The following TRO variants were observed in gnomAD, a reference collection of about 807,000 sequenced individuals.
The protein encoded by TRO is MAGE superfamily protein.
In TRO, 29 loss-of-function variants were observed where a neutral mutation model predicts 42.3. The ratio of observed to expected loss-of-function variants is 0.68; its 90% CI spans 0.51 to 0.93. The LOEUF (loss-of-function observed/expected upper bound fraction) is 0.93, where lower values mean the gene tolerates loss of function less well. TRO is among the 40% of genes least tolerant of loss of function. The pLI, the probability that TRO is intolerant of heterozygous loss-of-function variation, is 0.00. For missense variants in TRO, 963 were observed against 1,127.7 expected, an observed-to-expected ratio of 0.85 and a Z score of 2.09; for synonymous variants, 384 against 425.2, an observed-to-expected ratio of 0.90 and a Z score of 1.19.
rs762282471 is a variant in TRO at position 54,929,242 on chromosome X, A to T, written c.2518A>T (p.Thr840Ser). 1.7e-6 allele frequency: 2 copies of T among 1,210,960 alleles called. No homozygotes were observed. Among genetic ancestry groups the T allele is most frequent in the Middle Eastern group, 2.3e-4 (1 of 4,372 alleles). The change falls in exon 12 of 13, where the codon ACT (threonine) becomes TCT (serine). Residue 840 changes from threonine (T) to serine (S), a missense_variant. By Grantham distance (58) the Thr-to-Ser change is moderately conservative (BLOSUM62 1). Coordinates refer to ENST00000173898, the MANE Select transcript of TRO (RefSeq NM_001039705.3). ...TAGTGGCCCACTCAGCACCAGTGCC[A>T]CTTTCAGTGGTGGAGCCAGCTCTGG... ...SFSGPLSTSATFSGGASSGFG... is the reference protein window; with the variant it reads ...SFSGPLSTSASFSGGASSGFG...
At chrX:54,928,177 C>T (rs930994553) in intron 11 of TRO, among the ~76,000 whole-genome samples, 3 of 111,815 alleles carry the variant, frequency 2.7e-5, no homozygotes, top group African/African-American at 9.8e-5. Context: ...GAGAAGAGAG[C>T]AAGCTTTCTG....
At position 54,930,646 on chromosome X, in the gene TRO, G is replaced by C. The variant is rs776296441; in HGVS notation, c.3922G>C (p.Gly1308Arg). 1.7e-6 allele frequency: 2 copies of C among 1,211,322 alleles called. No individual in the cohort carries two copies. Among genetic ancestry groups the C allele is most frequent in the Non-Finnish European group, 2.2e-6 (2 of 894,879 alleles). ...SFGSTLGTSA[G>R]FSGGLSTSDG... The stretch of plus-strand genomic sequence containing the variant: ...CGGCAGCACACTTGGCACCAGTGCT[G>C]GCTTTAGTGGTGGCCTCAGCACCAG... Residue 1308 changes from glycine (G) to arginine (R), a missense_variant, in exon 12 of 13, where the codon GGC (glycine) becomes CGC (arginine). Gly to Arg is a moderately radical substitution (Grantham distance 125, BLOSUM62 -2). Transcript: ENST00000173898.
chrX:54,924,888 C>A, intron 5 of TRO, 101 bp from the exon 6 acceptor site: 1 of 995,725 alleles, frequency 1.0e-6, no homozygotes, highest in Non-Finnish European at 1.4e-6. Flanking sequence ...CATTAACTCA[C>A]TTCAGGTCTC....
rs1429666890 is a variant in TRO at position 54,926,438 on chromosome X, C to T, written c.1606C>T (p.Leu536Phe). Residue 536 changes from leucine to phenylalanine, a missense_variant, in exon 8 of 13, where the codon CTC becomes TTC. Physicochemically the swap from Leu to Phe is conservative, Grantham distance 22 (BLOSUM62 0). Around this residue, in one of 2 missense-constraint regions of TRO, gnomAD observed 641 missense variants for 811.3 expected, o/e 0.79. Coordinates refer to ENST00000173898, the MANE Select transcript of TRO (RefSeq NM_001039705.3). Reference protein sequence around the residue: ...TTKDTPKLGLLMVILSVIFMN... With the variant: ...TTKDTPKLGLFMVILSVIFMN... ...CAAGGACACACCCAAGCTGGGTCTCCTCATGGTGATTCTGAGTGTCATTTT... is the reference window on the plus strand; with the variant it reads ...CAAGGACACACCCAAGCTGGGTCTCTTCATGGTGATTCTGAGTGTCATTTT... The T allele has an allele frequency of 8.3e-7, 1 of 1,210,615 alleles. No homozygotes were observed.
At position 54,923,630 on chromosome X, in the gene TRO, C is replaced by T. The variant is rs753559933; in HGVS notation, c.1098C>T (p.Ala366=). ...QTPNADQGAQ[A]KIASAQTNVS... is the part of the protein sequence containing the mutation. The stretch of plus-strand genomic sequence containing the variant: ...CAAATGCTGACCAAGGGGCCCAGGC[C>T]AAGATAGCCTCTGCTCAGACCAACG... Residue 366 remains alanine, a synonymous_variant, in exon 3 of 13, where the codon GCC becomes GCT. Transcript: ENST00000173898. The T allele has an allele frequency of 8.3e-7, 1 of 1,207,952 alleles. No homozygotes were observed. Among genetic ancestry groups the T allele is most frequent in the African/African-American group, 1.7e-5 (1 of 57,444 alleles).
At chrX:54,928,419 T>G (rs1401964950) in intron 11 of TRO, among the ~76,000 whole-genome samples, 184 bp from the exon 12 acceptor site, 1 of 112,255 alleles carries the variant, frequency 8.9e-6, no homozygotes, top group Non-Finnish European at 1.9e-5. Context: ...GTTAAGTAAC[T>G]TGTCCAAGGT....
At position 54,930,668 on chromosome X, in the gene TRO, C is replaced by T; in HGVS notation, c.3944C>T (p.Thr1315Ile). 1 of 1,211,224 alleles carries T rather than the reference C, an allele frequency of 8.3e-7. No individual in the cohort carries two copies. The highest frequency in any genetic ancestry group is 1.1e-6 in the Non-Finnish European group (1 of 895,127). ...TSAGFSGGLSTSDGFGSRPNA... is the reference protein window; with the variant it reads ...TSAGFSGGLSISDGFGSRPNA... The stretch of plus-strand genomic sequence containing the variant: ...GCTGGCTTTAGTGGTGGCCTCAGCA[C>T]CAGCGATGGCTTTGGCAGTAGGCCT... The change falls in exon 12 of 13, where the codon ACC becomes ATC. Residue 1315 changes from threonine to isoleucine, a missense_variant. By Grantham distance (89) the Thr-to-Ile change is moderately conservative (BLOSUM62 -1). This residue lies in a region of TRO where 641 missense variants were observed against 811.3 expected (regional missense o/e 0.79). Transcript: ENST00000173898.
rs1366102035 is a variant in TRO, at chrX:54,924,530, G to A, written c.1316G>A (p.Arg439Gln). Residue 439 changes from arginine to glutamine, a missense_variant, in exon 4 of 13, where the codon CGA becomes CAA. By Grantham distance (43) the Arg-to-Gln change is conservative (BLOSUM62 1). This residue lies in a region of TRO where 641 missense variants were observed against 811.3 expected (regional missense o/e 0.79). Transcript: ENST00000173898. ...IPWGRRPAPP[R>Q]DVAILQERAN... ...TGGGGCCGGAGGCCTGCACCACCGCGAGATGTGGCCATTTTACAAGAAAGG... is the reference window on the plus strand; with the variant it reads ...TGGGGCCGGAGGCCTGCACCACCGCAAGATGTGGCCATTTTACAAGAAAGG... 14 of 1,207,753 alleles carry A rather than the reference G, an allele frequency of 1.2e-5. No homozygotes were observed. Among genetic ancestry groups the A allele is most frequent in the Non-Finnish European group, 1.1e-5 (10 of 894,025 alleles).
At position 54,928,676 on chromosome X, in the gene TRO, C is replaced by T. The variant is rs1359474155; in HGVS notation, c.1952C>T (p.Ala651Val). 4 of 1,203,965 alleles carry T rather than the reference C, an allele frequency of 3.3e-6. No individual in the cohort carries two copies. The highest frequency in any genetic ancestry group is 4.5e-6 in the Non-Finnish European group (4 of 891,583). ...EAVEMEVQAAAVAVAEAEARA... is the reference protein window; with the variant it reads ...EAVEMEVQAAVVAVAEAEARA... The stretch of plus-strand genomic sequence containing the variant: ...GTGGAGATGGAAGTCCAAGCTGCAG[C>T]TGTGGCTGTGGCTGAGGCTGAAGCC... Residue 651 changes from alanine to valine, a missense_variant, in exon 12 of 13, where the codon GCT becomes GTT. Coordinates refer to ENST00000173898, the MANE Select transcript of TRO (RefSeq NM_001039705.3).
rs1050072410 is a variant in TRO at position 54,920,831 on chromosome X, A to C, written c.-92A>C. 4 of 110,626 alleles carry C rather than the reference A, an allele frequency of 3.6e-5. No homozygotes were observed. Among genetic ancestry groups the C allele is most frequent in the African/African-American group, 1.3e-4 (4 of 30,376 alleles). 9.1% of individuals were successfully genotyped at this position (110,626 alleles called of 1,213,427 possible). A position where few individuals can be genotyped will look rare whatever the true frequency, so the allele number is the denominator to read the frequency against. ...AGGGAGGGGGATAGGCTCAGACACA[A>C]GGAGAGGCTTGGAGAGAGCAGACGC... On this transcript the variant is annotated 5_prime_UTR_variant, in exon 1 of 13. Coordinates refer to ENST00000173898, the MANE Select transcript of TRO (RefSeq NM_001039705.3).
intron 9 of TRO, 115 bp downstream of exon 9, chrX:54,926,740 G>C: frequency 9.0e-7 from 1 of 1,113,078 alleles, no homozygotes; most frequent in Non-Finnish European, 1.2e-6. Context: ...GCTGGACTGG[G>C]TAGAGGGCCC....
chrX:54,925,494 G>A lies in TRO; in HGVS notation c.1486-98G>A, dbSNP rs113510478. The A allele has an allele frequency of 0.011, 7,655 of 678,507 alleles. 413 individuals carry two copies. In the African/African-American group the frequency reaches 0.15, roughly 13 times the overall value. The allele number at this position is 678,507 out of a possible 1,213,427, so 55.9% of individuals were successfully genotyped here. ...ATCTCACTGACTTCTTACACATGCA[G>A]ACCCCCTAAGTACACTGGGAGTTTT... is the stretch of plus-strand genomic sequence containing the variant. On this transcript the variant is annotated intron_variant, in intron 6 of 12. Coordinates refer to ENST00000173898, the MANE Select transcript of TRO (RefSeq NM_001039705.3).
Position 54,930,961 on chromosome X carries a change from A to G in TRO, c.4237A>G (p.Ser1413Gly). The G allele has an allele frequency of 8.3e-7, 1 of 1,204,983 alleles. No individual in the cohort carries two copies. Among genetic ancestry groups the G allele is most frequent in the Middle Eastern group, 2.3e-4 (1 of 4,325 alleles). ...TGGCTTTGGTGGTGGACCGAGCACCAGTGCTGGCTTTGGCAGTGGAGCCGC... is the reference window on the plus strand; with the variant it reads ...TGGCTTTGGTGGTGGACCGAGCACCGGTGCTGGCTTTGGCAGTGGAGCCGC... The part of the protein sequence containing the change: ...GAGFGGGPST[S>G]AGFGSGAASL... Residue 1413 changes from serine (S) to glycine (G), a missense_variant, in exon 12 of 13, where the codon AGT (serine) becomes GGT (glycine). Transcript: ENST00000173898.
At chrX:54,924,941 C>G (rs748054373) in intron 5 of TRO, 48 bp from the exon 6 acceptor site, 1 of 1,157,365 alleles carries the variant, frequency 8.6e-7, no homozygotes, top group South Asian at 1.9e-5. Flanking sequence ...GGCTGCAGCT[C>G]TGTGGCCCCT....
rs1569546492 is a variant in TRO, at chrX:54,930,751, A to G, written c.4027A>G (p.Thr1343Ala). Residue 1343 changes from threonine (T) to alanine (A), a missense_variant, in exon 12 of 13, where the codon ACC becomes GCC. This residue lies in a region of TRO where 641 missense variants were observed against 811.3 expected (regional missense o/e 0.79). Coordinates refer to ENST00000173898, the MANE Select transcript of TRO (RefSeq NM_001039705.3). ...TIIGFGSGSN[T>A]STGFTGEPST... ...CATTGGCTTTGGCAGTGGTTCCAACACCAGCACTGGCTTTACTGGCGAACC... is the reference window on the plus strand; with the variant it reads ...CATTGGCTTTGGCAGTGGTTCCAACGCCAGCACTGGCTTTACTGGCGAACC... The G allele has an allele frequency of 8.2e-7, 1 of 1,212,176 alleles. No homozygotes were observed. Among genetic ancestry groups the G allele is most frequent in the Admixed American group, 2.2e-5 (1 of 46,107 alleles).
rs371736322 is a variant in TRO, at chrX:54,922,173, T to C, written c.-44-30T>C. Reference sequence around the variant, plus strand: ...CAGGATAGGTGAGATGTCTGATGAATCTCCCCCTCCCTCTCATTCTCTAAC... The same window carrying C: ...CAGGATAGGTGAGATGTCTGATGAACCTCCCCCTCCCTCTCATTCTCTAAC... On this transcript the variant is annotated intron_variant, in intron 1 of 12. Transcript: ENST00000173898. 5.5e-6 allele frequency: 6 copies of C among 1,092,151 alleles called. No individual in the cohort carries two copies. The East Asian group carries it at 1.6e-4, about 28-fold the overall frequency. 90.0% of individuals were successfully genotyped at this position (1,092,151 alleles called of 1,213,427 possible).
chrX:54,921,852 T>G, intron 1 of TRO: 1 of 137,170 alleles, frequency 7.3e-6, no homozygotes, highest in Non-Finnish European at 1.4e-5. Flanking sequence ...AGATGTGGGA[T>G]TGAGCTGGTT....
In TRO at chrX:54,929,139, C is replaced by A; in HGVS notation, c.2415C>A (p.Phe805Leu). ...FGCAHSTSTS[F>L]SSEASISFGG... ...GTGCACACAGCACCAGCACTAGTTTCAGCAGTGAAGCCAGCATTAGCTTTG... is the reference window on the plus strand; with the variant it reads ...GTGCACACAGCACCAGCACTAGTTTAAGCAGTGAAGCCAGCATTAGCTTTG... The change falls in exon 12 of 13, where the codon TTC (phenylalanine) becomes TTA (leucine). Residue 805 changes from phenylalanine to leucine, a missense_variant. Phe to Leu is a conservative substitution (Grantham distance 22). Around this residue, in one of 2 missense-constraint regions of TRO, gnomAD observed 641 missense variants for 811.3 expected, o/e 0.79. Transcript: ENST00000173898. The A allele has an allele frequency of 2.5e-6, 3 of 1,212,357 alleles. No homozygotes were observed. Among genetic ancestry groups the A allele is most frequent in the Non-Finnish European group, 3.3e-6 (3 of 895,629 alleles).
Position 54,929,811 on chromosome X carries a change from T to C in TRO, c.3087T>C (p.Tyr1029=), listed in dbSNP as rs758093433. ...FGSALNTNAG[Y]GGAVSTNTDF... ...GTGCACTCAACACCAATGCTGGTTA[T>C]GGTGGTGCTGTCAGCACCAACACTG... Residue 1029 remains tyrosine (Y), a synonymous_variant, in exon 12 of 13, where the codon TAT becomes TAC. Coordinates refer to ENST00000173898, the MANE Select transcript of TRO (RefSeq NM_001039705.3). 13 of 1,210,713 alleles carry C rather than the reference T, an allele frequency of 1.1e-5. No homozygotes were observed. The highest frequency in any genetic ancestry group is 8.9e-6 in the Non-Finnish European group (8 of 895,190).
Sources: gnomAD v4.1 joint callset for allele counts (sites outside exome capture counted in the v4.1 genomes callset) on GRCh38, gnomAD v4.1.1 for gene constraint, gnomAD v4.1.1 regional missense constraint, MANE v1.5 for transcripts, NCBI Gene and HGNC (gene_info 2026-07-23, HGNC 2026-07-21) for gene names.